Variants in TMEM74 observed in about 807,000 individuals in gnomAD.
TMEM74 encodes the protein transmembrane protein 74.
Under a neutral mutation model 18.1 loss-of-function variants are expected in TMEM74, and 13 were observed. The observed-to-expected ratio is 0.72, with a 90% confidence interval of 0.47 to 1.14. TMEM74 has a LOEUF of 1.14. Ranked by LOEUF, TMEM74 falls within the 50% of genes most tolerant of loss-of-function variation. TMEM74 has a pLI of 0.00. For missense variants in TMEM74, 372 were observed against 375.9 expected (o/e 0.99, Z 0.09); for synonymous variants, 159 against 146.6 (o/e 1.08, Z -0.61).
chr8:108,766,509 A>G (rs1156628924), intron 1 of TMEM74, among the ~76,000 whole-genome samples: 1 of 152,164 alleles, frequency 6.6e-6, no homozygotes, highest in African/African-American at 2.4e-5. Flanking sequence ...TCATTCATGG[A>G]AACATGGTAA....
intron 1 of TMEM74, among the ~76,000 whole-genome samples, chr8:108,677,750 T>C (rs1285555521): frequency 1.3e-5 from 2 of 152,168 alleles, no homozygotes; most frequent in Non-Finnish European, 2.9e-5. Flanking sequence ...CTTTCTGTAC[T>C]GATCAGCATA....
At chr8:108,616,981 A>G (rs981644119) in intron 2 of TMEM74, among the ~76,000 whole-genome samples, 2 of 151,596 alleles carry the variant, frequency 1.3e-5, no homozygotes, top group African/African-American at 4.8e-5. Context: ...CAGTATAGTG[A>G]CTATATTTAT....
At chr8:108,710,133 C>T (rs549760764) in intron 1 of TMEM74, among the ~76,000 whole-genome samples, 1 of 152,358 alleles carries the variant, frequency 6.6e-6, no homozygotes, top group East Asian at 1.9e-4. Flanking sequence ...GTGCCTAGCA[C>T]ACTGACTGGC....
chr8:108,656,442 G>A (rs758464760), intron 1 of TMEM74, among the ~76,000 whole-genome samples: 1 of 152,150 alleles, frequency 6.6e-6, no homozygotes, highest in African/African-American at 2.4e-5. Flanking sequence ...AAACCAGGGG[G>A]TTTATTTAAT....
At chr8:108,717,942 G>GTTTTTTTTTTTTTTT (rs869263977) in intron 1 of TMEM74, among the ~76,000 whole-genome samples, 1 of 45,920 alleles carries the variant, frequency 2.2e-5, no homozygotes, top group Non-Finnish European at 3.5e-5. Context: ...TCTGACTTAG[G>GTTTTTTTTTTTTTTT]TTTTTTTTTT....
intron 1 of TMEM74, among the ~76,000 whole-genome samples, chr8:108,740,279 T>C (rs938661908): frequency 6.6e-6 from 1 of 152,178 alleles, no homozygotes; most frequent in Non-Finnish European, 1.5e-5. Flanking sequence ...GTAGTCATGC[T>C]TCACCCATAA....
rs1554630293 is a variant in TMEM74, at chr8:108,657,879, T to TTTATATATTAATTAC, written n.120-2443_120-2442insGTAATTAATATATAA. On this transcript the variant is annotated intron_variant and non_coding_transcript_variant, in intron 1 of 3. Coordinates refer to the TMEM74 transcript ENST00000518838. ...AAAAAAATATATATATATATATATA[T>TTTATATATTAATTAC]ATATATATATATATATATATATATT... is the stretch of plus-strand genomic sequence containing the variant. Among the ~76,000 whole-genome samples the TTTATATATTAATTAC allele has an allele frequency of 1.5e-4, 12 of 82,756 alleles. 1 individual carries two copies. Among genetic ancestry groups the TTTATATATTAATTAC allele is most frequent in the Non-Finnish European group, 2.8e-4 (12 of 43,282 alleles). The allele number at this position is 82,756 out of a possible 152,430, so 54.3% of individuals were successfully genotyped here.
chr8:108,657,966 T>A (rs1812862413), intron 1 of TMEM74, among the ~76,000 whole-genome samples: 1 of 145,094 alleles, frequency 6.9e-6, no homozygotes, highest in Non-Finnish European at 1.5e-5. Context: ...GAAGTCAGCA[T>A]AAATTAAAAT....
chr8:108,625,766 A>C (rs112619222), intron 2 of TMEM74, among the ~76,000 whole-genome samples: 6 of 151,990 alleles, frequency 3.9e-5, no homozygotes, highest in Middle Eastern at 3.2e-3. Flanking sequence ...CTCTCTACCC[A>C]ATATTAACCT....
At chr8:108,622,956 T>C (rs1490323752) in intron 2 of TMEM74, among the ~76,000 whole-genome samples, 3 of 152,096 alleles carry the variant, frequency 2.0e-5, no homozygotes, top group Non-Finnish European at 4.4e-5. Flanking sequence ...GGTATGTACA[T>C]TCAAATTGCT....
intron 1 of TMEM74, among the ~76,000 whole-genome samples, chr8:108,710,290 T>A (rs1365367188): frequency 6.6e-6 from 1 of 152,240 alleles, no homozygotes; most frequent in Non-Finnish European, 1.5e-5. Context: ...ATAGGGACCA[T>A]GATTAGACTG....
At chr8:108,623,895 C>G (rs757953863) in intron 2 of TMEM74, among the ~76,000 whole-genome samples, 2 of 152,018 alleles carry the variant, frequency 1.3e-5, no homozygotes, top group Admixed American at 6.6e-5. Flanking sequence ...GGCACTCCCC[C>G]TAAAGCAAAG....
Position 108,756,699 on chromosome 8 carries a change from G to GAAAGAAA in TMEM74, n.119+30776_119+30777insTTTCTTT, listed in dbSNP as rs1563543826. On this transcript the variant is annotated intron_variant and non_coding_transcript_variant, in intron 1 of 3. Transcript: ENST00000518838. ...AAGAAAGAAAGAAAGAAAGAAAGAAGGAAGGAAAGAAAGAAAGAAAGAGAA... is the reference window on the plus strand; with the variant it reads ...AAGAAAGAAAGAAAGAAAGAAAGAAGAAAGAAAGAAGGAAAGAAAGAAAGAAAGAGAA... Among the ~76,000 whole-genome samples, 45 of 44,436 alleles carry GAAAGAAA rather than the reference G, an allele frequency of 1.0e-3. 2 individuals are homozygous for GAAAGAAA. The highest frequency in any genetic ancestry group is 1.8e-3 in the African/African-American group (19 of 10,686). The allele number at this position is 44,436 out of a possible 152,430, so 29.2% of individuals were successfully genotyped here. A position where few individuals can be genotyped will look rare whatever the true frequency, so the allele number is the denominator to read the frequency against.
intron 2 of TMEM74, among the ~76,000 whole-genome samples, chr8:108,624,990 T>C (rs1812480368): frequency 1.3e-5 from 2 of 152,064 alleles, no homozygotes; most frequent in African/African-American, 4.8e-5. Flanking sequence ...TTAACCTATT[T>C]AGTATATTTG....
intron 1 of TMEM74, among the ~76,000 whole-genome samples, chr8:108,741,837 G>A (rs1319379842): frequency 6.6e-6 from 1 of 152,118 alleles, no homozygotes; most frequent in African/African-American, 2.4e-5. Context: ...TCAGTAGATC[G>A]CTTTGGCCTA....
intron 2 of TMEM74, among the ~76,000 whole-genome samples, chr8:108,624,237 G>C (rs572864352): frequency 6.6e-6 from 1 of 152,176 alleles, no homozygotes; most frequent in South Asian, 2.1e-4. Context: ...TATTCATTAA[G>C]AGCTTTAAAG....
At chr8:108,639,835 A>T (rs1397831936) in intron 2 of TMEM74, among the ~76,000 whole-genome samples, 45 of 152,156 alleles carry the variant, frequency 3.0e-4, no homozygotes, top group Admixed American at 3.0e-3. Flanking sequence ...TATTGTCTTC[A>T]GCAGAGAACC....
chr8:108,644,619 A>G (rs1313245326), intron 2 of TMEM74, among the ~76,000 whole-genome samples: 2 of 151,642 alleles, frequency 1.3e-5, no homozygotes, highest in African/African-American at 2.4e-5. Flanking sequence ...AAGGTCTAAT[A>G]TCTAGACTTT....
intron 1 of TMEM74, among the ~76,000 whole-genome samples, chr8:108,674,167 T>C (rs1813030941): frequency 6.6e-6 from 1 of 152,196 alleles, no homozygotes; most frequent in Non-Finnish European, 1.5e-5. Context: ...ATTGTGTTTT[T>C]ATATCTTTTT....
Sources: allele counts gnomAD v4.1 joint callset (sites outside exome capture counted in the v4.1 genomes callset), GRCh38; gene constraint gnomAD v4.1.1; transcripts MANE v1.5; gene names NCBI Gene and HGNC (gene_info 2026-07-23, HGNC 2026-07-21).